CACNA1I: variants seen among roughly 807,000 people sequenced by gnomAD.
CACNA1I encodes calcium voltage-gated channel subunit alpha1 I, also known as voltage-dependent T-type calcium channel subunit alpha-1I.
In CACNA1I, 74 loss-of-function variants were observed where a neutral mutation model predicts 201.6. That is an observed-to-expected ratio of 0.37 (90% CI 0.30 to 0.45). The LOEUF is 0.45. Among genes scored for constraint, CACNA1I ranks in the 20% least tolerant of loss-of-function variants. The pLI is 1.00. For missense variants in CACNA1I, 2,346 were observed against 3,138.1 expected (o/e 0.75, Z 6.03); for synonymous variants, 1,431 against 1,345.2 (o/e 1.06, Z -1.40).
At position 39,598,241 on chromosome 22, in the gene CACNA1I, C is replaced by T. The variant is rs370960257; in HGVS notation, c.327C>T (p.Ser109=). ...YQPCDDMDCL[S]DRCKILQVFD... The stretch of plus-strand genomic sequence containing the variant: ...CGTGCGACGACATGGACTGCCTGTC[C>T]GACCGCTGCAAGATCCTGCAGGTGA... The change falls in exon 2 of 37, where the codon TCC becomes TCT. Residue 109 remains serine, a synonymous_variant. Transcript: ENST00000402142. 6 of 1,599,722 alleles carry T rather than the reference C, an allele frequency of 3.8e-6. No homozygotes were observed. Among genetic ancestry groups the T allele is most frequent in the Admixed American group, 1.7e-5 (1 of 58,982 alleles).
chr22:39,673,473 G>A (rs1935432322), intron 28 of CACNA1I, among the ~76,000 whole-genome samples: 1 of 152,288 alleles, frequency 6.6e-6, no homozygotes, highest in East Asian at 1.9e-4. Flanking sequence ...TGGGACGCAC[G>A]GTCTTCAGAG....
intron 4 of CACNA1I, among the ~76,000 whole-genome samples, chr22:39,620,393 G>T (rs1933712718): frequency 6.6e-6 from 1 of 150,790 alleles, no homozygotes; most frequent in Non-Finnish European, 1.5e-5. Context: ...CCATCCACCT[G>T]TCCATCCATC....
Position 39,685,756 on chromosome 22 carries a change from C to A in CACNA1I, c.6028-5C>A. The A allele has an allele frequency of 5.4e-6, 8 of 1,473,006 alleles. No homozygotes were observed. The highest frequency in any genetic ancestry group is 2.3e-5 in the Admixed American group (1 of 43,532). The allele number at this position is 1,473,006 out of a possible 1,614,324, so 91.2% of individuals were successfully genotyped here. A position where few individuals can be genotyped will look rare whatever the true frequency, so the allele number is the denominator to read the frequency against. ...GCGGCCTCCACGGCTCCCACCTCCC[C>A]CCAGGCCACCGGGAGCGACACGTCG... On this transcript the variant is annotated splice_region_variant and splice_polypyrimidine_tract_variant and intron_variant, in intron 36 of 36. Transcript: ENST00000402142. This position sits in a 1 kb window ranked among gnomAD's most constrained non-coding sequence, Gnocchi z 5.0.
In CACNA1I at chr22:39,649,562, C is replaced by T. The variant is rs534441146; in HGVS notation, c.1629C>T (p.Pro543=). 6.7e-5 allele frequency: 104 copies of T among 1,551,216 alleles called. No individual in the cohort carries two copies. The highest frequency in any genetic ancestry group is 1.7e-4 in the Middle Eastern group (1 of 5,722). ...ATPHTLVQPI[P]ATLASDPASC... ...CCCACACCCTGGTGCAGCCCATCCC[C>T]GCCACGCTGGCTTCCGATCCCGCCA... is the stretch of plus-strand genomic sequence containing the variant. Residue 543 remains proline, a synonymous_variant, in exon 10 of 37, where the codon CCC becomes CCT. Transcript: ENST00000402142. This position sits in a 1 kb window ranked among gnomAD's most constrained non-coding sequence, Gnocchi z 7.3.
chr22:39,622,175 G>A lies in CACNA1I; in HGVS notation c.580+2768G>A, dbSNP rs148666322. Among the ~76,000 whole-genome samples the A allele has an allele frequency of 1.0e-3, 155 of 152,264 alleles. 1 individual carries two copies. In the Middle Eastern group the frequency reaches 0.014, roughly 13 times the overall value. Reference sequence around the variant, plus strand: ...CTCAGCACCCAGAACTCTGCCTGGCGGACAGAAGGCGCGCCAAAGACACGT... The same window carrying A: ...CTCAGCACCCAGAACTCTGCCTGGCAGACAGAAGGCGCGCCAAAGACACGT... On this transcript the variant is annotated intron_variant, in intron 4 of 36. Coordinates refer to ENST00000402142, the MANE Select transcript of CACNA1I (RefSeq NM_021096.4).
rs1418702519 is a variant in CACNA1I at position 39,600,313 on chromosome 22, G to A, written c.349-207G>A. 5.9e-5 allele frequency among the ~76,000 whole-genome samples: 9 copies of A among 152,088 alleles called. No homozygotes were observed. In the South Asian group the frequency reaches 6.2e-4, roughly 10 times the overall value. On this transcript the variant is annotated intron_variant, in intron 2 of 36. Coordinates refer to ENST00000402142, the MANE Select transcript of CACNA1I (RefSeq NM_021096.4). ...TATGACCTTGGGCAAACTCATTCCC[G>A]TCTCTGGGCCACAGTCTCCTCATCT...
intron 7 of CACNA1I, among the ~76,000 whole-genome samples, chr22:39,645,061 A>G (rs1403723714): frequency 6.7e-6 from 1 of 149,294 alleles, no homozygotes; most frequent in African/African-American, 2.5e-5. Context: ...ATCTTGGCTC[A>G]CTGCAACCTC....
At chr22:39,610,461 T>C (rs1333092807) in intron 3 of CACNA1I, among the ~76,000 whole-genome samples, 1 of 152,052 alleles carries the variant, frequency 6.6e-6, no homozygotes, top group Non-Finnish European at 1.5e-5. Flanking sequence ...GAGAGGGTGA[T>C]GGTCACTGTG....
chr22:39,664,711 CCT>C, intron 20 of CACNA1I, 26 bp from the exon 21 acceptor site: 1 of 1,181,644 alleles, frequency 8.5e-7, no homozygotes, highest in Non-Finnish European at 1.2e-6. Context: ...CCCGCGGCAG[CCT>C]GACCCCGGCC....
Position 39,660,811 on chromosome 22 carries a change from C to T in CACNA1I, c.2699-297C>T, listed in dbSNP as rs546311775. Among the ~76,000 whole-genome samples the T allele has an allele frequency of 1.2e-4, 18 of 152,194 alleles. No homozygotes were observed. The South Asian group carries it at 1.3e-3, about 11-fold the overall frequency. The stretch of plus-strand genomic sequence containing the variant: ...CCAGTGTCTTTCTCGGTAACTGGGG[C>T]GGACAGTCCCTGCCTTGTTTCCCAT... On this transcript the variant is annotated intron_variant, in intron 15 of 36. Coordinates refer to ENST00000402142, the MANE Select transcript of CACNA1I (RefSeq NM_021096.4).
At chr22:39,583,197 AATCC>A (rs142463491) in intron 1 of CACNA1I, among the ~76,000 whole-genome samples, 7,799 of 119,728 alleles carry the variant, frequency 0.065, 245 homozygotes, top group African/African-American at 0.074. Flanking sequence ...TCTATCCAAC[AATCC>A]ATCCATCCAT....
chr22:39,578,733 CT>C (rs377541057), intron 1 of CACNA1I, among the ~76,000 whole-genome samples: 86 of 152,346 alleles, frequency 5.6e-4, no homozygotes, highest in African/African-American at 2.0e-3. Context: ...CTCCCCGTAG[CT>C]CCTGGGAATC....
At position 39,676,798 on chromosome 22, in the gene CACNA1I, G is replaced by A. The variant is rs769804867; in HGVS notation, c.4855-543G>A. The stretch of plus-strand genomic sequence containing the variant: ...ACAGTGACAGGGATAAGTGCATTTC[G>A]GTGGTTTCGTAGAGGAGCTAGTGTT... On this transcript the variant is annotated intron_variant, in intron 29 of 36. Coordinates refer to ENST00000402142, the MANE Select transcript of CACNA1I (RefSeq NM_021096.4). The surrounding 1 kb of genome is among the most constrained non-coding windows in gnomAD (Gnocchi z 4.8). Among the ~76,000 whole-genome samples the A allele has an allele frequency of 6.6e-6, 1 of 152,184 alleles. No homozygotes were observed. The highest frequency in any genetic ancestry group is 1.5e-5 in the Non-Finnish European group (1 of 68,024).
intron 1 of CACNA1I, among the ~76,000 whole-genome samples, chr22:39,573,556 A>G (rs960319245): frequency 9.2e-5 from 14 of 152,100 alleles, no homozygotes; most frequent in African/African-American, 3.4e-4. Flanking sequence ...GAGACGGCAG[A>G]CGAATCACCC....
chr22:39,653,069 T>C (rs1934695225), intron 10 of CACNA1I, among the ~76,000 whole-genome samples: 1 of 134,234 alleles, frequency 7.4e-6, no homozygotes, highest in Non-Finnish European at 1.5e-5. Context: ...GCTGACTGCA[T>C]TGTGGGTGCA....
intron 1 of CACNA1I, among the ~76,000 whole-genome samples, chr22:39,591,089 T>G (rs185717454): frequency 2.6e-5 from 4 of 151,420 alleles, no homozygotes; most frequent in Non-Finnish European, 5.9e-5. Context: ...CTGGGTCAAG[T>G]GATCCTCCTG....
chr22:39,594,288 G>A (rs755951065), intron 1 of CACNA1I, among the ~76,000 whole-genome samples: 21 of 152,030 alleles, frequency 1.4e-4, no homozygotes, highest in Admixed American at 7.2e-4. Flanking sequence ...GCCACTAAGT[G>A]CACTTTGAGC....
intron 1 of CACNA1I, among the ~76,000 whole-genome samples, chr22:39,577,258 A>T (rs1019209988): frequency 2.0e-5 from 3 of 151,812 alleles, no homozygotes; most frequent in Non-Finnish European, 2.9e-5. Flanking sequence ...CTGGTCTTGA[A>T]CTCCTGACTT....
intron 4 of CACNA1I, 73 bp from the exon 5 acceptor site, chr22:39,634,492 C>T: frequency 2.0e-6 from 3 of 1,466,936 alleles, no homozygotes; most frequent in Non-Finnish European, 2.9e-6. Flanking sequence ...GTTTCTCTAA[C>T]CTTGCTCTCA....
Sources: gnomAD v4.1 joint callset for allele counts (sites outside exome capture counted in the v4.1 genomes callset) on GRCh38, gnomAD v4.1.1 for gene constraint, Gnocchi (gnomAD v3.1) non-coding constraint, MANE v1.5 for transcripts, NCBI Gene and HGNC (gene_info 2026-07-23, HGNC 2026-07-21) for gene names.